The following LAIR1 variants were observed in gnomAD, a reference collection of about 807,000 sequenced individuals.
LAIR1 encodes the protein leukocyte associated immunoglobulin like receptor 1, also known as leukocyte-associated immunoglobulin-like receptor 1.
In LAIR1, 24 loss-of-function variants were observed where a neutral mutation model predicts 32.8. That is an observed-to-expected ratio of 0.73 (90% CI 0.53 to 1.03). LAIR1 has a LOEUF of 1.03. Ranked by LOEUF, LAIR1 falls within the 50% of genes least tolerant of loss-of-function variation. The pLI is 0.00. For synonymous variants in LAIR1, 150 were observed against 140.5 expected (o/e 1.07, Z -0.48); for missense variants, 355 against 347.5 (o/e 1.02, Z -0.17).
upstream of LAIR1, among the ~76,000 whole-genome samples, chr19:54,373,021 T>C (rs2082442413): frequency 6.7e-6 from 1 of 150,136 alleles, no homozygotes; most frequent in Non-Finnish European, 1.5e-5. Flanking sequence ...TCCCAGCTGC[T>C]TGGGAGGCTG....
chr19:54,364,849 C>T lies in LAIR1; in HGVS notation c.-45G>A, dbSNP rs1484687933. On this transcript the variant is annotated 5_prime_UTR_variant, in exon 1 of 10. Transcript: ENST00000391742. This position sits in a 1 kb window ranked among gnomAD's most constrained non-coding sequence, Gnocchi z 4.8. The stretch of plus-strand genomic sequence containing the variant: ...CAGCCTGGCCTGAGGCGCACCAATG[C>T]AAGGACAGAACTCTGCAGCAGACAC... The T allele has an allele frequency of 1.9e-6, 3 of 1,613,932 alleles. No individual in the cohort carries two copies. The highest frequency in any genetic ancestry group is 2.2e-5 in the East Asian group (1 of 44,894).
chr19:54,355,001 A>T lies in LAIR1; in HGVS notation c.*267T>A. 1 of 382,932 alleles carries T rather than the reference A, an allele frequency of 2.6e-6. No individual in the cohort carries two copies. The highest frequency in any genetic ancestry group is 4.6e-6 in the Non-Finnish European group (1 of 215,524). The allele number at this position is 382,932 out of a possible 1,614,324, so 23.7% of individuals were successfully genotyped here. ...TGAATAAAGCTGGGTCTCTAGAAAC[A>T]GCCAGGGAACTGTAGCTGGGTCTCT... On this transcript the variant is annotated 3_prime_UTR_variant, in exon 10 of 10. Transcript: ENST00000391742. The surrounding 1 kb of genome is among the most constrained non-coding windows in gnomAD (Gnocchi z 4.7).
chr19:54,357,032 C>A (rs914030839), intron 4 of LAIR1, 66 bp from the exon 5 acceptor site: 9 of 1,471,066 alleles, frequency 6.1e-6, no homozygotes, highest in Non-Finnish European at 8.5e-6. Flanking sequence ...GGCTCTGAGT[C>A]CTCCCACATC....
chr19:54,373,270 A>G (rs56785076), upstream of LAIR1, among the ~76,000 whole-genome samples: 14,533 of 150,612 alleles, frequency 0.096, 1,360 homozygotes, highest in East Asian at 0.24. Context: ...GTGAAACCCC[A>G]TCTCTACTAA....
intron 1 of LAIR1, chr19:54,370,174 T>G: frequency 3.0e-6 from 2 of 676,284 alleles, no homozygotes; most frequent in East Asian, 5.6e-5. Flanking sequence ...TTGGCTCACG[T>G]TTCTGTGCCC....
At chr19:54,367,999 C>T (rs2082307753), upstream of LAIR1, among the ~76,000 whole-genome samples, 1 of 151,712 alleles carries the variant, frequency 6.6e-6, no homozygotes, top group Non-Finnish European at 1.5e-5. Flanking sequence ...GTCTCGATCT[C>T]CTGACCTCAT....
At chr19:54,372,003 T>C (rs1237905332), upstream of LAIR1, among the ~76,000 whole-genome samples, 1 of 151,652 alleles carries the variant, frequency 6.6e-6, no homozygotes, top group Non-Finnish European at 1.5e-5. Context: ...CATGGGATAA[T>C]ATTCCATTGT....
chr19:54,373,520 G>T (rs1257903799), upstream of LAIR1, among the ~76,000 whole-genome samples: 1 of 152,206 alleles, frequency 6.6e-6, no homozygotes, highest in Non-Finnish European at 1.5e-5. Flanking sequence ...CTTGGTGTTT[G>T]AGATTCAGGA....
At chr19:54,360,880 G>A in intron 3 of LAIR1, 36 bp downstream of exon 3, 1 of 1,590,142 alleles carries the variant, frequency 6.3e-7, no homozygotes, top group Non-Finnish European at 8.6e-7. Flanking sequence ...CGAGGGTCGA[G>A]CTGAGACTGG....
intron 8 of LAIR1, 27 bp downstream of exon 8, chr19:54,356,203 G>C: frequency 1.3e-6 from 2 of 1,594,228 alleles, no homozygotes; most frequent in East Asian, 2.2e-5. Context: ...CCCCATCCCA[G>C]GCCTGTCCCT....
At chr19:54,358,422 A>T in intron 4 of LAIR1, 5 of 352,874 alleles carry the variant, frequency 1.4e-5, no homozygotes, top group Non-Finnish European at 1.4e-5. Context: ...TATGATGTAA[A>T]CATATATAAT....
At chr19:54,367,619 G>C (rs1430113508), upstream of LAIR1, among the ~76,000 whole-genome samples, 1 of 150,906 alleles carries the variant, frequency 6.6e-6, no homozygotes, top group Non-Finnish European at 1.5e-5. Context: ...GGTGGTGGGC[G>C]CCTGTAGTCC....
upstream of LAIR1, among the ~76,000 whole-genome samples, chr19:54,375,285 A>G (rs2082480792): frequency 6.6e-6 from 1 of 152,096 alleles, no homozygotes; most frequent in African/African-American, 2.4e-5. Flanking sequence ...CTGCCGTGCC[A>G]AGACTGGTCA....
rs1293622854 is a variant in LAIR1, at chr19:54,354,101, AG to A, written c.*1166del. On this transcript the variant is annotated 3_prime_UTR_variant, in exon 10 of 10. Coordinates refer to ENST00000391742, the MANE Select transcript of LAIR1 (RefSeq NM_002287.6). ...ATTCTGCCGCCTCCTAGTGGTACAT[AG>A]GGTAATTTTCTGTGTCAATCAGTAC... 6.6e-6 allele frequency: 1 copy of A among 152,112 alleles called. No homozygotes were observed. The highest frequency in any genetic ancestry group is 1.5e-5 in the Non-Finnish European group (1 of 68,036). 9.4% of individuals were successfully genotyped at this position (152,112 alleles called of 1,614,324 possible). A position where few individuals can be genotyped will look rare whatever the true frequency, so the allele number is the denominator to read the frequency against.
intron 4 of LAIR1, among the ~76,000 whole-genome samples, chr19:54,358,929 G>A (rs1311000627): frequency 5.3e-5 from 8 of 152,044 alleles, no homozygotes; most frequent in Non-Finnish European, 7.4e-5. Context: ...GCATGAAGGT[G>A]AGAGAAGAGA....
chr19:54,369,128 G>A (rs1254040998), upstream of LAIR1, among the ~76,000 whole-genome samples: 4 of 144,404 alleles, frequency 2.8e-5, no homozygotes, highest in Non-Finnish European at 6.0e-5. Flanking sequence ...CAGCACATCC[G>A]CCAAAAAAAA....
rs1234693399 is a variant in LAIR1 at position 54,364,139 on chromosome 19, G to A, written c.70+156C>T. Among the ~76,000 whole-genome samples the A allele has an allele frequency of 6.6e-6, 1 of 152,108 alleles. No individual in the cohort carries two copies. Among genetic ancestry groups the A allele is most frequent in the South Asian group, 2.1e-4 (1 of 4,828 alleles). ...GAGGATGCGAGAGAGAACTGGGTGA[G>A]GGTTGGTTATGCATTTTACATTTGG... On this transcript the variant is annotated intron_variant, in intron 2 of 9. Transcript: ENST00000391742. This position sits in a 1 kb window ranked among gnomAD's most constrained non-coding sequence, Gnocchi z 4.8.
intron 7 of LAIR1, 33 bp from the exon 8 acceptor site, chr19:54,356,300 C>A (rs779671973): frequency 2.2e-5 from 36 of 1,609,690 alleles, no homozygotes; most frequent in Non-Finnish European, 1.7e-5. Context: ...ACCTCAGGGG[C>A]AGCCTGGCGG....
At chr19:54,365,074 A>T, upstream of LAIR1, 1 of 1,358,768 alleles carries the variant, frequency 7.4e-7, no homozygotes. Context: ...TAGTTACCAG[A>T]TGTGTCAGCC....
Sources: allele counts gnomAD v4.1 joint callset (sites outside exome capture counted in the v4.1 genomes callset), GRCh38; gene constraint gnomAD v4.1.1; non-coding constraint Gnocchi (gnomAD v3.1); transcripts MANE v1.5; gene names NCBI Gene and HGNC (gene_info 2026-07-23, HGNC 2026-07-21).